SCHIP1: variants seen among roughly 807,000 people sequenced by gnomAD.
SCHIP1 encodes the protein schwannomin-interacting protein 1.
In SCHIP1, 8 loss-of-function variants were observed where a neutral mutation model predicts 29.7. That is an observed-to-expected ratio of 0.27 (90% CI 0.16 to 0.49). SCHIP1 has a LOEUF of 0.49. Ranked by LOEUF, SCHIP1 falls within the 20% of genes least tolerant of loss-of-function variation. The probability of loss-of-function intolerance (pLI) is 0.99; values close to 1 mark genes in which losing one functional copy is unlikely to be tolerated. For missense variants in SCHIP1, 193 were observed against 294.6 expected, an observed-to-expected ratio of 0.66 and a Z score of 2.52; for synonymous variants, 76 against 94.9, an observed-to-expected ratio of 0.80 and a Z score of 1.16.
At chr3:159,578,059 C>T in the SCHIP1 span, among the ~76,000 whole-genome samples, 1,795 of 152,154 alleles carry the variant, frequency 0.012, 34 homozygotes, top group African/African-American at 0.041. Flanking sequence ...ATTGAGGGAC[C>T]CGGTTTTGGG....
chr3:159,470,571 C>T, the SCHIP1 span, among the ~76,000 whole-genome samples: 1 of 152,064 alleles, frequency 6.6e-6, no homozygotes, highest in Admixed American at 6.6e-5. Context: ...ACTGTACAGG[C>T]ACACACACAT....
At chr3:159,725,123 G>A in the SCHIP1 span, among the ~76,000 whole-genome samples, 5 of 152,060 alleles carry the variant, frequency 3.3e-5, no homozygotes, top group South Asian at 4.1e-4. Flanking sequence ...AGTTTGATGC[G>A]GATGAGGAGC....
At chr3:159,500,484 C>G in the SCHIP1 span, among the ~76,000 whole-genome samples, 1 of 152,076 alleles carries the variant, frequency 6.6e-6, no homozygotes, top group Non-Finnish European at 1.5e-5. Flanking sequence ...GAGGCCGACA[C>G]GGGCAGATCA....
the SCHIP1 span, among the ~76,000 whole-genome samples, chr3:159,814,991 T>C: frequency 1.3e-5 from 2 of 152,282 alleles, no homozygotes; most frequent in Non-Finnish European, 2.9e-5. Context: ...CTTTTATATG[T>C]TGCTTTTCCT....
the SCHIP1 span, among the ~76,000 whole-genome samples, chr3:159,641,519 G>T: frequency 6.6e-6 from 1 of 152,076 alleles, no homozygotes; most frequent in Non-Finnish European, 1.5e-5. Flanking sequence ...GATACGAACA[G>T]GGCTTTTTAT....
At chr3:159,843,813 ACT>A (rs1744512342) in intron 1 of SCHIP1, among the ~76,000 whole-genome samples, 3 of 119,360 alleles carry the variant, frequency 2.5e-5, no homozygotes, top group South Asian at 2.6e-4. Flanking sequence ...ACAGAGCAAG[ACT>A]CTGTCTCAAA....
the SCHIP1 span, among the ~76,000 whole-genome samples, chr3:159,636,716 G>C: frequency 6.6e-6 from 1 of 152,190 alleles, no homozygotes; most frequent in African/African-American, 2.4e-5. Context: ...AAATTGGCAT[G>C]AAATAAATTT....
the SCHIP1 span, among the ~76,000 whole-genome samples, chr3:159,392,395 T>A: frequency 3.9e-5 from 6 of 152,156 alleles, no homozygotes; most frequent in Non-Finnish European, 1.5e-5. Flanking sequence ...AGTGCCATGC[T>A]GGTGCGCTGC....
intron 6 of SCHIP1, among the ~76,000 whole-genome samples, chr3:159,896,082 C>A (rs1445774271): frequency 6.6e-6 from 1 of 152,214 alleles, no homozygotes; most frequent in Non-Finnish European, 1.5e-5. Context: ...GAAAAACATG[C>A]AAACGTGGAA....
At chr3:159,784,985 C>G in the SCHIP1 span, among the ~76,000 whole-genome samples, 2 of 152,140 alleles carry the variant, frequency 1.3e-5, no homozygotes, top group Non-Finnish European at 2.9e-5. Flanking sequence ...GGTGCTAGGT[C>G]TGAGGAAATT....
At chr3:159,416,197 A>G in the SCHIP1 span, among the ~76,000 whole-genome samples, 1 of 152,118 alleles carries the variant, frequency 6.6e-6, no homozygotes, top group Admixed American at 6.6e-5. Flanking sequence ...TCTTTTCCAA[A>G]ATCTTCACAA....
At chr3:159,336,272 A>G in the SCHIP1 span, among the ~76,000 whole-genome samples, 1 of 152,018 alleles carries the variant, frequency 6.6e-6, no homozygotes, top group African/African-American at 2.4e-5. Flanking sequence ...AGATTGCAAA[A>G]ATTTTCTCCC....
chr3:159,607,100 C>T, the SCHIP1 span, among the ~76,000 whole-genome samples: 1,885 of 152,280 alleles, frequency 0.012, 30 homozygotes, highest in African/African-American at 0.043. Flanking sequence ...TGTTTTCATA[C>T]GCCCACCCTT....
chr3:159,626,118 A>C, the SCHIP1 span, among the ~76,000 whole-genome samples: 58 of 121,602 alleles, frequency 4.8e-4, 1 homozygote, highest in Middle Eastern at 3.9e-3. Flanking sequence ...AGATAGATAG[A>C]TAGATAGATA....
the SCHIP1 span, among the ~76,000 whole-genome samples, chr3:159,517,874 A>T: frequency 2.2e-4 from 33 of 152,254 alleles, no homozygotes; most frequent in Admixed American, 1.6e-3. Context: ...AAGAGATTTT[A>T]AAAAGACTTA....
the SCHIP1 span, among the ~76,000 whole-genome samples, chr3:159,296,977 G>T: frequency 2.0e-5 from 3 of 152,010 alleles, no homozygotes; most frequent in Admixed American, 2.0e-4. Flanking sequence ...ACTTCTATGG[G>T]TTTGATTTTT....
chr3:159,682,268 CTATGT>C, the SCHIP1 span, among the ~76,000 whole-genome samples: 1 of 152,028 alleles, frequency 6.6e-6, no homozygotes, highest in African/African-American at 2.4e-5. Context: ...TTTTTCTGTC[CTATGT>C]TAAGTAAATA....
chr3:159,408,185 C>T, the SCHIP1 span, among the ~76,000 whole-genome samples: 1 of 151,968 alleles, frequency 6.6e-6, no homozygotes, highest in African/African-American at 2.4e-5. Flanking sequence ...GTAGTAGCAG[C>T]TACTCAGGAG....
intron 2 of SCHIP1, among the ~76,000 whole-genome samples, chr3:159,875,537 T>C (rs1232574117): frequency 6.6e-6 from 1 of 152,242 alleles, no homozygotes; most frequent in African/African-American, 2.4e-5. Context: ...GTGCATCATC[T>C]TTGACAAGCT....
Sources: gnomAD v4.1 joint callset for allele counts (sites outside exome capture counted in the v4.1 genomes callset) on GRCh38, gnomAD v4.1.1 for gene constraint, MANE v1.5 for transcripts, NCBI Gene and HGNC (gene_info 2026-07-23, HGNC 2026-07-21) for gene names.